The following CAPN11 variants were observed in gnomAD, a reference collection of about 807,000 sequenced individuals.
CAPN11 encodes calpain 11, also known as calpain-11.
A neutral mutation model predicts 105.3 loss-of-function variants in CAPN11; 108 were observed. The ratio of observed to expected loss-of-function variants is 1.03; its 90% confidence interval spans 0.88 to 1.20. The LOEUF (loss-of-function observed/expected upper bound fraction) is 1.20. CAPN11 is among the 50% of genes most tolerant of loss of function. The pLI is 0.00. For missense variants in CAPN11, 883 were observed against 924.8 expected (o/e 0.95, Z 0.59); for synonymous variants, 329 against 344.5 (o/e 0.96, Z 0.50).
chr6:44,176,551 CTCTCCTTCCACCGCCCA>C lies in CAPN11; in HGVS notation c.1002-25_1002-9del. 1 of 1,604,642 alleles carries C rather than the reference CTCTCCTTCCACCGCCCA, an allele frequency of 6.2e-7. No homozygotes were observed. The highest frequency in any genetic ancestry group is 8.5e-7 in the Non-Finnish European group (1 of 1,171,984). On this transcript the variant is annotated splice_polypyrimidine_tract_variant and intron_variant, in intron 9 of 22. Coordinates refer to ENST00000398776, the MANE Select transcript of CAPN11 (RefSeq NM_007058.4). Reference sequence around the variant, plus strand: ...AGGAGGTGCCACATGACCTCCGCCCCTCTCCTTCCACCGCCCATCTCTGCTCCAGTGCCAGGGAGTGG... The same window carrying C: ...AGGAGGTGCCACATGACCTCCGCCCCTCTCTGCTCCAGTGCCAGGGAGTGG...
chr6:44,167,091 C>T (rs80111599), intron 2 of CAPN11, among the ~76,000 whole-genome samples: 1 of 152,080 alleles, frequency 6.6e-6, no homozygotes, highest in Non-Finnish European at 1.5e-5. Flanking sequence ...CGACTCTTAC[C>T]CTGACACTCG....
chr6:44,166,861 C>G, intron 2 of CAPN11, 32 bp downstream of exon 2: 1 of 1,452,974 alleles, frequency 6.9e-7, no homozygotes, highest in South Asian at 1.2e-5. Flanking sequence ...GGCTCTGTGG[C>G]CTCCCTTTTT....
rs956883202 is a variant in CAPN11, at chr6:44,158,820, A to T, written c.-29A>T. 2.6e-6 allele frequency: 4 copies of T among 1,550,516 alleles called. No homozygotes were observed. In the African/African-American group the frequency reaches 5.5e-5, roughly 21 times the overall value. ...TTCTCCCCCTCCCACCAGAACCTTCAACTGTCAAGCACCGAGCTAGCCACC... is the reference window on the plus strand; with the variant it reads ...TTCTCCCCCTCCCACCAGAACCTTCTACTGTCAAGCACCGAGCTAGCCACC... On this transcript the variant is annotated 5_prime_UTR_variant, in exon 1 of 23. Coordinates refer to ENST00000398776, the MANE Select transcript of CAPN11 (RefSeq NM_007058.4).
chr6:44,173,552 C>T (rs114009741), intron 7 of CAPN11, among the ~76,000 whole-genome samples, 166 bp downstream of exon 7: 3,273 of 147,940 alleles, frequency 0.022, 44 homozygotes, highest in South Asian at 0.043. Flanking sequence ...CCGTCCCCAC[C>T]CTATTTACTT....
In CAPN11 at chr6:44,158,956, G is replaced by A. The variant is rs1582847570; in HGVS notation, c.16+92G>A. On this transcript the variant is annotated intron_variant, in intron 1 of 22. Coordinates refer to ENST00000398776, the MANE Select transcript of CAPN11 (RefSeq NM_007058.4). ...GGAGCTGTGTCCCGCATCAGACTGG[G>A]TGCCCCTTGAGGGTACAGAGAGTGA... 4.9e-6 allele frequency: 5 copies of A among 1,028,664 alleles called. No individual in the cohort carries two copies. In the South Asian group the frequency reaches 6.5e-5, roughly 13 times the overall value. The allele number at this position is 1,028,664 out of a possible 1,614,324, so 63.7% of individuals were successfully genotyped here.
chr6:44,161,728 G>A, intron 1 of CAPN11: 1 of 454,498 alleles, frequency 2.2e-6, no homozygotes, highest in Non-Finnish European at 4.4e-6. Context: ...GAATTGCCTT[G>A]GCCTGCCCTC....
rs1026786851 is a variant in CAPN11 at position 44,160,134 on chromosome 6, C to CA, written c.16+1280dup. ...TGGGCGACACAGCGAGACTCCATCT[C>CA]AAAAAAAAAAGAAAATCACTGACAG... On this transcript the variant is annotated intron_variant, in intron 1 of 22. Coordinates refer to ENST00000398776, the MANE Select transcript of CAPN11 (RefSeq NM_007058.4). Among the ~76,000 whole-genome samples, 110 of 145,224 alleles carry CA rather than the reference C, an allele frequency of 7.6e-4. No homozygotes were observed. In the South Asian group the frequency reaches 7.7e-3, roughly 10 times the overall value.
Position 44,177,130 on chromosome 6 carries a change from A to T in CAPN11, c.1238-112A>T, listed in dbSNP as rs545888709. The T allele has an allele frequency of 1.5e-3, 2,244 of 1,461,414 alleles. 3 individuals carry two copies. The highest frequency in any genetic ancestry group is 2.0e-3 in the Non-Finnish European group (2,140 of 1,076,154). 90.5% of individuals were successfully genotyped at this position (1,461,414 alleles called of 1,614,324 possible). Reference sequence around the variant, plus strand: ...AGGTCAAGGGTTAGTCAGATTTCACAGCCCCTGTGGAGGAGACAGCTCCAG... The same window carrying T: ...AGGTCAAGGGTTAGTCAGATTTCACTGCCCCTGTGGAGGAGACAGCTCCAG... On this transcript the variant is annotated intron_variant, in intron 11 of 22. Transcript: ENST00000398776.
Position 44,172,223 on chromosome 6 carries a change from C to T in CAPN11, c.410-79C>T, listed in dbSNP as rs1461091038. On this transcript the variant is annotated intron_variant, in intron 4 of 22. Coordinates refer to ENST00000398776, the MANE Select transcript of CAPN11 (RefSeq NM_007058.4). ...TGGGGTACAGGGTCAAGTTCCTGCTCCCCTAGGCCTTGGATTCTGAGGCCC... is the reference window on the plus strand; with the variant it reads ...TGGGGTACAGGGTCAAGTTCCTGCTTCCCTAGGCCTTGGATTCTGAGGCCC... The T allele has an allele frequency of 7.6e-6, 7 of 917,754 alleles. No individual in the cohort carries two copies. The African/African-American group carries it at 1.2e-4, about 15-fold the overall frequency. The allele number at this position is 917,754 out of a possible 1,614,324, so 56.9% of individuals were successfully genotyped here.
Position 44,172,354 on chromosome 6 carries a change from G to T in CAPN11, c.462G>T (p.Leu154=). ...GCTCCCTTACCACCTGCCCCAAACT[G>T]CTATACCGCGTGGTGCCCAGAGGAC... is the stretch of plus-strand genomic sequence containing the variant. The part of the protein sequence containing the change: ...AIGSLTTCPK[L]LYRVVPRGQS... Residue 154 remains leucine, a synonymous_variant, in exon 5 of 23, where the codon CTG becomes CTT. Transcript: ENST00000398776. 1 of 1,561,922 alleles carries T rather than the reference G, an allele frequency of 6.4e-7. No individual in the cohort carries two copies. Among genetic ancestry groups the T allele is most frequent in the South Asian group, 1.2e-5 (1 of 84,500 alleles).
At chr6:44,180,898 C>T in intron 17 of CAPN11, 35 bp from the exon 18 acceptor site, 1 of 1,610,204 alleles carries the variant, frequency 6.2e-7, no homozygotes, top group Non-Finnish European at 8.5e-7. Context: ...CTCATTTACC[C>T]TGTCTCTCCT....
At chr6:44,174,411 C>T (rs1674033001) in intron 7 of CAPN11, among the ~76,000 whole-genome samples, 1 of 151,236 alleles carries the variant, frequency 6.6e-6, no homozygotes, top group African/African-American at 2.4e-5. Context: ...GGTGCAGTGG[C>T]TCATGCCTGT....
intron 11 of CAPN11, 107 bp from the exon 12 acceptor site, chr6:44,177,135 C>T: frequency 6.8e-7 from 1 of 1,465,478 alleles, no homozygotes. Context: ...TTCACAGCCC[C>T]TGTGGAGGAG....
chr6:44,179,598 T>C (rs757813562), intron 12 of CAPN11, 21 bp from the exon 13 acceptor site: 2 of 1,612,040 alleles, frequency 1.2e-6, no homozygotes, highest in African/African-American at 2.7e-5. Context: ...GATCTGACTC[T>C]CCTCTTTCTT....
chr6:44,169,354 G>A lies in CAPN11; in HGVS notation c.162G>A (p.Gln54=), dbSNP rs1348141494. 8 of 1,614,044 alleles carry A rather than the reference G, an allele frequency of 5.0e-6. No individual in the cohort carries two copies. Among genetic ancestry groups the A allele is most frequent in the South Asian group, 2.2e-5 (2 of 91,080 alleles). The change falls in exon 3 of 23, where the codon CAG becomes CAA. Residue 54 remains glutamine, a synonymous_variant. Transcript: ENST00000398776. ...NSRLKAKGVG[Q]HDNAQNFGNQ... is the part of the protein sequence containing the mutation. ...GGCTCAAGGCCAAGGGCGTGGGCCA[G>A]CACGACAACGCCCAGAACTTTGGTA...
chr6:44,160,522 C>T lies in CAPN11; in HGVS notation c.16+1658C>T, dbSNP rs577338952. Among the ~76,000 whole-genome samples the T allele has an allele frequency of 2.0e-5, 3 of 152,204 alleles. No homozygotes were observed. In the South Asian group the frequency reaches 6.2e-4, roughly 32 times the overall value. ...GTCCCAGCTACTCGGGAGGCTGAGG[C>T]AGGAGAATAGCGTGAACCCAGAAGG... is the stretch of plus-strand genomic sequence containing the variant. On this transcript the variant is annotated intron_variant, in intron 1 of 22. Coordinates refer to ENST00000398776, the MANE Select transcript of CAPN11 (RefSeq NM_007058.4).
At chr6:44,171,685 TA>T (rs66896901) in intron 4 of CAPN11, among the ~76,000 whole-genome samples, 1 of 150,818 alleles carries the variant, frequency 6.6e-6, no homozygotes, top group South Asian at 2.1e-4. Flanking sequence ...AAATTTACTT[TA>T]AAAAAAAATA....
At chr6:44,181,547 A>AAC (rs1773364809) in intron 19 of CAPN11, among the ~76,000 whole-genome samples, 1 of 78,522 alleles carries the variant, frequency 1.3e-5, no homozygotes, top group Non-Finnish European at 2.7e-5. Flanking sequence ...TCACACACAC[A>AAC]CACACTCACA....
At chr6:44,159,305 C>T (rs1034650708) in intron 1 of CAPN11, among the ~76,000 whole-genome samples, 1 of 152,106 alleles carries the variant, frequency 6.6e-6, no homozygotes, top group Non-Finnish European at 1.5e-5. Flanking sequence ...GGTCCCTCAG[C>T]CCAGGAAGAT....
Sources: gnomAD v4.1 joint callset for allele counts (sites outside exome capture counted in the v4.1 genomes callset) on GRCh38, gnomAD v4.1.1 for gene constraint, MANE v1.5 for transcripts, NCBI Gene and HGNC (gene_info 2026-07-23, HGNC 2026-07-21) for gene names.